The following EYS variants were observed in gnomAD, a reference collection of about 807,000 sequenced individuals.
The protein encoded by EYS is EGF-like photoreceptor maintenance factor.
A neutral mutation model predicts 282.1 loss-of-function variants in EYS; 250 were observed. The ratio of observed to expected loss-of-function variants is 0.89; its 90% CI spans 0.80 to 0.98. The LOEUF (loss-of-function observed/expected upper bound fraction) is 0.98, where lower values mean the gene tolerates loss of function less well. Among genes scored for constraint, EYS ranks in the 50% least tolerant of loss-of-function variants. The probability of loss-of-function intolerance (pLI) is 0.00; values close to 1 mark genes in which losing one functional copy is unlikely to be tolerated. For missense variants in EYS, 4,016 were observed against 3,709.0 expected (o/e 1.08, Z -2.15); for synonymous variants, 1,355 against 1,282.9 (o/e 1.06, Z -1.20).
Position 65,494,834 on chromosome 6 carries a change from C to A in EYS, c.577G>T (p.Ala193Ser). 4 of 1,614,108 alleles carry A rather than the reference C, an allele frequency of 2.5e-6. No individual in the cohort carries two copies. Among genetic ancestry groups the A allele is most frequent in the Non-Finnish European group, 3.4e-6 (4 of 1,180,002 alleles). The change falls in exon 4 of 43, where the codon GCT (alanine) becomes TCT (serine). Residue 193 changes from alanine (A) to serine (S), a missense_variant. Ala to Ser is a moderately conservative substitution (Grantham distance 99, BLOSUM62 1). Coordinates refer to ENST00000503581, the MANE Select transcript of EYS (RefSeq NM_001142800.2). Reference protein sequence around the residue: ...CSGHGKCLSEAWSKTYSCHCQ... With the variant: ...CSGHGKCLSESWSKTYSCHCQ... The stretch of plus-strand genomic sequence containing the variant: ...TGGCAGCTATATGTCTTGCTCCAAG[C>A]TTCACTAAGACATTTACCATGACCA...
intron 11 of EYS, among the ~76,000 whole-genome samples, chr6:65,328,284 T>C (rs1302935579): frequency 6.6e-6 from 1 of 151,470 alleles, no homozygotes; most frequent in Non-Finnish European, 1.5e-5. Context: ...CCCTGAAAAT[T>C]ACTGAGCTGA....
chr6:64,200,291 A>T (rs1036894357), intron 31 of EYS, among the ~76,000 whole-genome samples: 3 of 151,994 alleles, frequency 2.0e-5, no homozygotes, highest in African/African-American at 7.2e-5. Context: ...AAGCTACAGA[A>T]CTTTACAACA....
intron 31 of EYS, among the ~76,000 whole-genome samples, chr6:64,201,225 T>G (rs1471521069): frequency 1.3e-5 from 2 of 152,142 alleles, no homozygotes; most frequent in African/African-American, 4.8e-5. Flanking sequence ...TACATCATTT[T>G]TTTTGTTTCC....
chr6:64,784,953 G>A (rs780211903), intron 22 of EYS, among the ~76,000 whole-genome samples: 9 of 151,968 alleles, frequency 5.9e-5, no homozygotes, highest in Non-Finnish European at 1.3e-4. Flanking sequence ...TTCTGTTTCT[G>A]TAACAGTCAT....
At chr6:64,405,099 G>A (rs1413264167) in intron 28 of EYS, among the ~76,000 whole-genome samples, 1 of 152,042 alleles carries the variant, frequency 6.6e-6, no homozygotes, top group Non-Finnish European at 1.5e-5. Flanking sequence ...TAGGTATTAA[G>A]CCCAGCATGC....
chr6:64,940,294 G>T, intron 15 of EYS, among the ~76,000 whole-genome samples: 1 of 152,080 alleles, frequency 6.6e-6, no homozygotes, highest in African/African-American at 2.4e-5. Flanking sequence ...GTTCCCAGTG[G>T]TGTTTGTCTG....
At chr6:64,245,866 A>C (rs1443612510) in intron 30 of EYS, among the ~76,000 whole-genome samples, 2 of 151,930 alleles carry the variant, frequency 1.3e-5, no homozygotes, top group Non-Finnish European at 2.9e-5. Context: ...TAAAAATACA[A>C]AAATTAGCCG....
intron 29 of EYS, among the ~76,000 whole-genome samples, chr6:64,317,639 GAACTAGA>G (rs1387534255): frequency 6.6e-6 from 1 of 152,046 alleles, no homozygotes; most frequent in Admixed American, 6.6e-5. Context: ...CAAGGATCTA[GAACTAGA>G]TATACCATTT....
In EYS at chr6:64,707,643, C is replaced by T. The variant is rs534445701; in HGVS notation, c.3444-81398G>A. The stretch of plus-strand genomic sequence containing the variant: ...TCACGCCACTGCACTCCAGCCGGGG[C>T]GACAGAGTGAGACTCGTATCAAAAA... On this transcript the variant is annotated intron_variant, in intron 22 of 42. Coordinates refer to ENST00000503581, the MANE Select transcript of EYS (RefSeq NM_001142800.2). 9.5e-5 allele frequency among the ~76,000 whole-genome samples: 12 copies of T among 126,562 alleles called. No individual in the cohort carries two copies. The South Asian group carries it at 1.1e-3, about 11-fold the overall frequency. The allele number at this position is 126,562 out of a possible 152,430, so 83.0% of individuals were successfully genotyped here. A position where few individuals can be genotyped will look rare whatever the true frequency, so the allele number is the denominator to read the frequency against.
At chr6:64,147,373 C>T (rs977940642) in intron 31 of EYS, among the ~76,000 whole-genome samples, 1 of 152,108 alleles carries the variant, frequency 6.6e-6, no homozygotes, top group African/African-American at 2.4e-5. Context: ...AATATCATGT[C>T]AGATAACTTA....
chr6:64,042,843 G>A (rs915602168), intron 33 of EYS, among the ~76,000 whole-genome samples: 5 of 151,984 alleles, frequency 3.3e-5, no homozygotes, highest in African/African-American at 9.7e-5. Context: ...CTTTGTCTCC[G>A]CATCCACCAT....
At chr6:63,899,738 T>C (rs1581952253) in intron 35 of EYS, among the ~76,000 whole-genome samples, 1 of 152,198 alleles carries the variant, frequency 6.6e-6, no homozygotes, top group East Asian at 1.9e-4. Flanking sequence ...GGTTTACTCA[T>C]GCCTCTCCCT....
chr6:64,844,569 C>T (rs1765665450), intron 19 of EYS, among the ~76,000 whole-genome samples: 1 of 151,756 alleles, frequency 6.6e-6, no homozygotes, highest in Non-Finnish European at 1.5e-5. Flanking sequence ...TTTTGTAGAC[C>T]CTTCTTTCAC....
intron 2 of EYS, among the ~76,000 whole-genome samples, chr6:65,514,695 C>T (rs1405430561): frequency 1.2e-4 from 18 of 152,050 alleles, no homozygotes; most frequent in Admixed American, 3.9e-4. Flanking sequence ...GGGGAAAGGA[C>T]TCCCTATTTA....
At chr6:65,460,508 T>G (rs1764792915) in intron 5 of EYS, among the ~76,000 whole-genome samples, 2 of 152,074 alleles carry the variant, frequency 1.3e-5, no homozygotes, top group African/African-American at 4.8e-5. Flanking sequence ...CCTGATAATT[T>G]GGACCTTATG....
intron 31 of EYS, among the ~76,000 whole-genome samples, chr6:64,167,288 G>A (rs1764319726): frequency 1.3e-5 from 2 of 152,186 alleles, no homozygotes; most frequent in Non-Finnish European, 2.9e-5. Flanking sequence ...TGTGGAAAAT[G>A]ATGGACTTTT....
intron 22 of EYS, among the ~76,000 whole-genome samples, chr6:64,787,401 T>C (rs1774057561): frequency 6.6e-6 from 1 of 152,182 alleles, no homozygotes; most frequent in African/African-American, 2.4e-5. Context: ...TGACTTTTGA[T>C]ATTATACTTG....
chr6:64,096,783 C>T lies in EYS; in HGVS notation c.6425-14781G>A, dbSNP rs187772661. On this transcript the variant is annotated intron_variant, in intron 31 of 42. Transcript: ENST00000503581. ...AGTCATTCTCCATCCAGCTTTGTTCCGTTGCTGGTGACGAGCTGCATTCCT... is the reference window on the plus strand; with the variant it reads ...AGTCATTCTCCATCCAGCTTTGTTCTGTTGCTGGTGACGAGCTGCATTCCT... Among the ~76,000 whole-genome samples, 419 of 152,266 alleles carry T rather than the reference C, an allele frequency of 2.8e-3. 3 individuals carry two copies. The highest frequency in any genetic ancestry group is 9.6e-3 in the African/African-American group (397 of 41,546).
intron 13 of EYS, among the ~76,000 whole-genome samples, chr6:64,998,662 C>T (rs1408568563): frequency 6.6e-6 from 1 of 152,138 alleles, no homozygotes; most frequent in Admixed American, 6.6e-5. Context: ...CCTTTTGTAT[C>T]TAGCACCTAG....
Sources: allele counts gnomAD v4.1 joint callset (sites outside exome capture counted in the v4.1 genomes callset), GRCh38; gene constraint gnomAD v4.1.1; transcripts MANE v1.5; gene names NCBI Gene and HGNC (gene_info 2026-07-23, HGNC 2026-07-21).